Variants in VPS50 observed in about 807,000 individuals in gnomAD.
VPS50 encodes syndetin.
In VPS50, 70 loss-of-function variants were observed where a neutral mutation model predicts 139.7. The ratio of observed to expected loss-of-function variants is 0.50; its 90% CI spans 0.41 to 0.61. The LOEUF (loss-of-function observed/expected upper bound fraction) is 0.61, where lower values mean the gene tolerates loss of function less well. VPS50 is among the 20% of genes least tolerant of loss of function. The pLI is 0.00. For missense variants in VPS50, 921 were observed against 1,133.7 expected (o/e 0.81, Z 2.69); for synonymous variants, 365 against 376.7 (o/e 0.97, Z 0.36).
intron 13 of VPS50, 88 bp from the exon 14 acceptor site, chr7:93,294,457 C>A: frequency 8.8e-7 from 1 of 1,137,906 alleles, no homozygotes; most frequent in Non-Finnish European, 1.2e-6. Flanking sequence ...CATAGACTTA[C>A]AATGTGTGAG....
chr7:93,268,575 G>T (rs1221948313), intron 9 of VPS50, among the ~76,000 whole-genome samples: 5 of 152,124 alleles, frequency 3.3e-5, no homozygotes, highest in Non-Finnish European at 5.9e-5. Flanking sequence ...AGAACATGTG[G>T]TGTTTGGTTT....
intron 12 of VPS50, among the ~76,000 whole-genome samples, chr7:93,281,062 A>G (rs962336688): frequency 2.0e-5 from 3 of 152,118 alleles, no homozygotes; most frequent in East Asian, 3.8e-4. Context: ...TTTGTCTCCA[A>G]CTGGTGTGGT....
chr7:93,294,776 A>G (rs1055884527), intron 14 of VPS50, 140 bp downstream of exon 14: 4 of 663,534 alleles, frequency 6.0e-6, no homozygotes, highest in Non-Finnish European at 9.6e-6. Context: ...TTAGGCTATC[A>G]TTTAATTTCT....
chr7:93,337,585 G>A (rs983330143), intron 22 of VPS50, among the ~76,000 whole-genome samples: 1 of 152,094 alleles, frequency 6.6e-6, no homozygotes, highest in African/African-American at 2.4e-5. Context: ...ATAAGTATGT[G>A]GTATTCATGG....
chr7:93,237,549 C>A (rs1208143670), intron 1 of VPS50, among the ~76,000 whole-genome samples: 2 of 152,094 alleles, frequency 1.3e-5, no homozygotes, highest in Non-Finnish European at 2.9e-5. Context: ...ACATTTCAGG[C>A]ATTGGTTTCT....
chr7:93,253,967 ACT>A (rs1218871611), intron 4 of VPS50, 36 bp downstream of exon 4: 2 of 1,190,074 alleles, frequency 1.7e-6, no homozygotes, highest in Admixed American at 3.8e-5. Context: ...TTCTGGCAAA[ACT>A]CTAGATGAAA....
chr7:93,251,570 G>T (rs1462227560), intron 2 of VPS50, among the ~76,000 whole-genome samples: 3 of 152,100 alleles, frequency 2.0e-5, no homozygotes, highest in African/African-American at 7.2e-5. Flanking sequence ...TAATGTAGAT[G>T]ATGAGTTGAT....
chr7:93,255,096 G>A (rs976477571), intron 4 of VPS50, among the ~76,000 whole-genome samples: 8 of 151,984 alleles, frequency 5.3e-5, no homozygotes, highest in African/African-American at 1.9e-4. Flanking sequence ...TGGCAGGGGT[G>A]GGGTAGGGAT....
chr7:93,295,659 T>G (rs1442254848), intron 14 of VPS50, among the ~76,000 whole-genome samples: 2 of 152,138 alleles, frequency 1.3e-5, no homozygotes, highest in Non-Finnish European at 2.9e-5. Flanking sequence ...TTAAAATGTA[T>G]TTTTGATTTT....
chr7:93,321,616 A>G (rs1383912495), intron 20 of VPS50, among the ~76,000 whole-genome samples: 1 of 152,186 alleles, frequency 6.6e-6, no homozygotes, highest in Admixed American at 6.5e-5. Context: ...TAATATCCTT[A>G]TGTTTGAATT....
intron 12 of VPS50, among the ~76,000 whole-genome samples, chr7:93,282,786 G>A (rs1796367514): frequency 6.6e-6 from 1 of 152,168 alleles, no homozygotes; most frequent in Non-Finnish European, 1.5e-5. Context: ...TGAATATTTG[G>A]TTGAAGAGAG....
chr7:93,253,040 T>A (rs1795381980), intron 3 of VPS50, among the ~76,000 whole-genome samples: 1 of 152,214 alleles, frequency 6.6e-6, no homozygotes, highest in Non-Finnish European at 1.5e-5. Flanking sequence ...TAGTATGCTG[T>A]TTCTATCCTA....
At chr7:93,268,394 TGC>T (rs1240925328) in intron 9 of VPS50, among the ~76,000 whole-genome samples, 3 of 152,164 alleles carry the variant, frequency 2.0e-5, no homozygotes, top group African/African-American at 7.2e-5. Flanking sequence ...GGTAAATGTG[TGC>T]CATGGTGGTT....
At chr7:93,358,286 T>G (rs1164279364) in intron 27 of VPS50, 31 bp from the exon 28 acceptor site, 1 of 1,608,376 alleles carries the variant, frequency 6.2e-7, no homozygotes, top group Non-Finnish European at 8.5e-7. Context: ...CCTTTTAGGG[T>G]ACTAAATTTG....
intron 8 of VPS50, 61 bp downstream of exon 8, chr7:93,258,453 C>T (rs983619673): frequency 1.4e-4 from 188 of 1,303,420 alleles, no homozygotes; most frequent in Middle Eastern, 5.8e-4. Flanking sequence ...GTAAAGCAGA[C>T]AAAATTCAGA....
At chr7:93,304,713 C>T (rs1797069057) in intron 17 of VPS50, among the ~76,000 whole-genome samples, 2 of 151,758 alleles carry the variant, frequency 1.3e-5, no homozygotes, top group Non-Finnish European at 3.0e-5. Context: ...TTAAAAAAGG[C>T]ATGTTGAAGC....
chr7:93,233,734 G>C (rs1794710190), intron 1 of VPS50, among the ~76,000 whole-genome samples: 1 of 152,166 alleles, frequency 6.6e-6, no homozygotes, highest in Non-Finnish European at 1.5e-5. Flanking sequence ...ATGAGTTTGG[G>C]TCCTGCTGTA....
Position 93,252,789 on chromosome 7 carries a change from C to T in VPS50, c.225+14C>T. On this transcript the variant is annotated intron_variant, in intron 3 of 27. Coordinates refer to ENST00000305866, the MANE Select transcript of VPS50 (RefSeq NM_017667.4). Reference sequence around the variant, plus strand: ...TATGAGCTGGAGGTAAACAGAATTTCATTAAAACATAACTAAGGCCTGTTT... The same window carrying T: ...TATGAGCTGGAGGTAAACAGAATTTTATTAAAACATAACTAAGGCCTGTTT... 6.4e-7 allele frequency: 1 copy of T among 1,569,238 alleles called. No homozygotes were observed. The highest frequency in any genetic ancestry group is 1.9e-4 in the Middle Eastern group (1 of 5,316).
At chr7:93,251,737 TTTA>T (rs1306264925) in intron 2 of VPS50, among the ~76,000 whole-genome samples, 3 of 152,194 alleles carry the variant, frequency 2.0e-5, no homozygotes, top group Non-Finnish European at 4.4e-5. Context: ...CCTTAGTATT[TTTA>T]TTGTGTTATT....
Sources: allele counts gnomAD v4.1 joint callset (sites outside exome capture counted in the v4.1 genomes callset), GRCh38; gene constraint gnomAD v4.1.1; transcripts MANE v1.5; gene names NCBI Gene and HGNC (gene_info 2026-07-23, HGNC 2026-07-21).